The following DNAH7 variants were observed in gnomAD, a reference collection of about 807,000 sequenced individuals.
DNAH7 encodes axonemal beta dynein heavy chain 7.
In DNAH7, 397 loss-of-function variants were observed where a neutral mutation model predicts 444.6. That is an observed-to-expected ratio of 0.89 (90% CI 0.82 to 0.97). The LOEUF (loss-of-function observed/expected upper bound fraction) is 0.97, where lower values mean the gene tolerates loss of function less well. Among genes scored for constraint, DNAH7 ranks in the 50% least tolerant of loss-of-function variants. The pLI is 0.00. For synonymous variants in DNAH7, 1,636 were observed against 1,624.4 expected (o/e 1.01, Z -0.17); for missense variants, 4,902 against 4,800.8 (o/e 1.02, Z -0.62).
At position 195,738,076 on chromosome 2, in the gene DNAH7, C is replaced by T. The variant is rs1157532089; in HGVS notation, c.11920G>A (p.Val3974Ile). 6.2e-7 allele frequency: 1 copy of T among 1,613,862 alleles called. No homozygotes were observed. The highest frequency in any genetic ancestry group is 8.5e-7 in the Non-Finnish European group (1 of 1,179,872). The change falls in exon 65 of 65, where the codon GTT (valine) becomes ATT (isoleucine). Residue 3974 changes from valine (V) to isoleucine (I), a missense_variant. Physicochemically the swap from Val to Ile is conservative, Grantham distance 29. Coordinates refer to ENST00000312428, the MANE Select transcript of DNAH7 (RefSeq NM_018897.3). ...RADIPKRPSY[V>I]APLYKTSERR... ...TCACTTGTCTTATACAATGGAGCAA[C>T]ATAACTTGGCCGTTTTGGTATATCT...
intron 19 of DNAH7, among the ~76,000 whole-genome samples, chr2:195,948,431 C>T (rs982235769): frequency 3.9e-5 from 6 of 152,198 alleles, no homozygotes; most frequent in Middle Eastern, 3.4e-3. Context: ...TTAGGTCTTA[C>T]GTTTAAGTCT....
At chr2:196,007,371 C>T (rs1486142466) in intron 10 of DNAH7, among the ~76,000 whole-genome samples, 2 of 152,054 alleles carry the variant, frequency 1.3e-5, no homozygotes, top group Non-Finnish European at 2.9e-5. Flanking sequence ...TATCCATATG[C>T]AAAATAATAA....
chr2:196,036,962 T>G (rs1375689424), intron 5 of DNAH7, among the ~76,000 whole-genome samples: 1 of 151,526 alleles, frequency 6.6e-6, no homozygotes, highest in East Asian at 1.9e-4. Flanking sequence ...CACACACCCC[T>G]CCTGGGACCC....
chr2:195,920,348 T>C (rs570923718), intron 24 of DNAH7, among the ~76,000 whole-genome samples: 7 of 152,286 alleles, frequency 4.6e-5, no homozygotes, highest in South Asian at 2.1e-4. Flanking sequence ...AGCATGGTAC[T>C]AGTATAAAAA....
intron 10 of DNAH7, 57 bp from the exon 11 acceptor site, chr2:196,001,915 T>C (rs553244969): frequency 1.1e-5 from 15 of 1,394,256 alleles, no homozygotes; most frequent in African/African-American, 5.8e-5. Context: ...ACTCCTTTTA[T>C]ATTAAGCATT....
chr2:195,896,204 T>C (rs1702305732), intron 29 of DNAH7, among the ~76,000 whole-genome samples: 1 of 152,234 alleles, frequency 6.6e-6, no homozygotes, highest in Non-Finnish European at 1.5e-5. Context: ...TTAGGTATGA[T>C]CCATCTTTTA....
chr2:195,989,064 T>C (rs1349307744), intron 12 of DNAH7, among the ~76,000 whole-genome samples: 9 of 152,186 alleles, frequency 5.9e-5, no homozygotes, highest in Non-Finnish European at 1.0e-4. Context: ...ATATATATCA[T>C]GTTTTCTTTA....
intron 24 of DNAH7, among the ~76,000 whole-genome samples, chr2:195,915,218 A>G (rs540980846): frequency 6.6e-6 from 1 of 152,320 alleles, no homozygotes; most frequent in African/African-American, 2.4e-5. Context: ...TGTGATGAGA[A>G]TCACTGAGGA....
chr2:195,860,895 C>T (rs1017336090), intron 42 of DNAH7, among the ~76,000 whole-genome samples: 2 of 151,998 alleles, frequency 1.3e-5, no homozygotes, highest in South Asian at 2.1e-4. Context: ...AAGTAAAAAT[C>T]ATATTAATTT....
At chr2:195,800,885 C>T (rs1696414032) in intron 54 of DNAH7, among the ~76,000 whole-genome samples, 2 of 152,158 alleles carry the variant, frequency 1.3e-5, no homozygotes, top group South Asian at 4.1e-4. Context: ...AAAATCCACT[C>T]ATGTTTCATG....
intron 55 of DNAH7, among the ~76,000 whole-genome samples, chr2:195,798,178 C>T (rs1308865394): frequency 6.6e-6 from 1 of 151,852 alleles, no homozygotes; most frequent in Non-Finnish European, 1.5e-5. Context: ...TTTTTTTAAC[C>T]TCTCAGCTAC....
intron 19 of DNAH7, among the ~76,000 whole-genome samples, chr2:195,939,822 A>G (rs932380768): frequency 9.2e-5 from 14 of 152,078 alleles, no homozygotes; most frequent in Admixed American, 4.6e-4. Flanking sequence ...TTCTGCTACT[A>G]GGAAGTTTCA....
chr2:195,754,417 T>C lies in DNAH7; in HGVS notation c.11684A>G (p.Lys3895Arg), dbSNP rs376588912. Residue 3895 changes from lysine to arginine, a missense_variant, in exon 63 of 65, where the codon AAA becomes AGA. By Grantham distance (26) the Lys-to-Arg change is conservative. Coordinates refer to ENST00000312428, the MANE Select transcript of DNAH7 (RefSeq NM_018897.3). ...AAGAAGATCAATAGGAATTGTGTAT[T>C]TCCTGGCGTAGTTCTGCTGGGCACC... is the stretch of plus-strand genomic sequence containing the variant. Reference protein sequence around the residue: ...LTGAQQNYARKYTIPIDLLGF... With the variant: ...LTGAQQNYARRYTIPIDLLGF... 63 of 1,613,970 alleles carry C rather than the reference T, an allele frequency of 3.9e-5. 1 individual carries two copies. The highest frequency in any genetic ancestry group is 7.6e-6 in the Non-Finnish European group (9 of 1,179,988).
chr2:195,759,012 A>G (rs542015772), intron 61 of DNAH7, among the ~76,000 whole-genome samples: 51 of 152,316 alleles, frequency 3.3e-4, no homozygotes, highest in African/African-American at 1.2e-3. Context: ...CTAGACTTGG[A>G]GCTAGTGGCT....
At chr2:195,794,292 G>C (rs772094292) in intron 57 of DNAH7, 46 bp downstream of exon 57, 2 of 1,591,758 alleles carry the variant, frequency 1.3e-6, no homozygotes, top group Non-Finnish European at 1.7e-6. Context: ...GGGGCCACTT[G>C]AAGTGCTTTA....
intron 3 of DNAH7, among the ~76,000 whole-genome samples, chr2:196,050,724 A>C (rs568500968): frequency 6.6e-6 from 1 of 152,196 alleles, no homozygotes; most frequent in East Asian, 1.9e-4. Flanking sequence ...TATAGTCAAA[A>C]TAATGAAAAA....
intron 21 of DNAH7, among the ~76,000 whole-genome samples, chr2:195,927,255 C>G (rs1293417646): frequency 6.6e-6 from 1 of 152,008 alleles, no homozygotes; most frequent in East Asian, 1.9e-4. Context: ...ATGCATCAAC[C>G]AAAAATAGTG....
chr2:195,844,875 A>T, intron 47 of DNAH7, 127 bp downstream of exon 47: 2 of 738,800 alleles, frequency 2.7e-6, no homozygotes, highest in Non-Finnish European at 4.3e-6. Flanking sequence ...ACTCATACTT[A>T]ATTTCACTAA....
At chr2:196,019,362 G>C in intron 8 of DNAH7, 67 bp from the exon 9 acceptor site, 15 of 1,252,984 alleles carry the variant, frequency 1.2e-5, no homozygotes, top group Non-Finnish European at 1.6e-5. Flanking sequence ...TGTACATTTT[G>C]GGTAATAATT....
Sources: allele counts gnomAD v4.1 joint callset (sites outside exome capture counted in the v4.1 genomes callset), GRCh38; gene constraint gnomAD v4.1.1; transcripts MANE v1.5; gene names NCBI Gene and HGNC (gene_info 2026-07-23, HGNC 2026-07-21).